The following NDST3 variants were observed in gnomAD, a reference collection of about 807,000 sequenced individuals.
The protein encoded by NDST3 is N-deacetylase and N-sulfotransferase 3, also known as bifunctional heparan sulfate N-deacetylase/N-sulfotransferase 3.
A neutral mutation model predicts 96.1 loss-of-function variants in NDST3; 58 were observed. The observed-to-expected ratio is 0.60, with a 90% CI of 0.49 to 0.75. The LOEUF is 0.75. Among genes scored for constraint, NDST3 ranks in the 30% least tolerant of loss-of-function variants. The pLI is 0.00. For missense variants in NDST3, 788 were observed against 1,034.2 expected (o/e 0.76, Z 3.27); for synonymous variants, 333 against 359.7 (o/e 0.93, Z 0.84).
intron 12 of NDST3, among the ~76,000 whole-genome samples, chr4:118,242,771 AT>A (rs1741087446): frequency 6.6e-6 from 1 of 150,890 alleles, no homozygotes; most frequent in Non-Finnish European, 1.5e-5. Flanking sequence ...GTTTCCTCCG[AT>A]TTTCTTAGGT....
chr4:118,054,975 T>C, intron 2 of NDST3, 84 bp downstream of exon 2: 1 of 1,544,478 alleles, frequency 6.5e-7, no homozygotes, highest in Non-Finnish European at 8.8e-7. Context: ...TACAACTGGG[T>C]TACCCAGGAC....
chr4:118,149,600 G>A (rs1418867431), intron 6 of NDST3, among the ~76,000 whole-genome samples: 1 of 150,502 alleles, frequency 6.6e-6, no homozygotes, highest in Non-Finnish European at 1.5e-5. Flanking sequence ...TTTGTACATT[G>A]ATTTTGTATC....
intron 2 of NDST3, among the ~76,000 whole-genome samples, chr4:118,101,768 A>G (rs1431303438): frequency 1.3e-5 from 2 of 152,166 alleles, no homozygotes; most frequent in Non-Finnish European, 2.9e-5. Context: ...TATGAGATTC[A>G]TAACTACATA....
chr4:118,095,367 T>G (rs2125836938), intron 2 of NDST3, among the ~76,000 whole-genome samples: 1 of 151,988 alleles, frequency 6.6e-6, no homozygotes, highest in South Asian at 2.1e-4. Context: ...ACATCAGTTG[T>G]CACTACTTCC....
At chr4:118,162,888 T>G (rs1233020432) in intron 6 of NDST3, among the ~76,000 whole-genome samples, 3 of 147,546 alleles carry the variant, frequency 2.0e-5, no homozygotes, top group Non-Finnish European at 4.5e-5. Context: ...TACAATGAAC[T>G]CAAACAAATT....
chr4:118,119,825 G>C (rs1418738980), intron 4 of NDST3, among the ~76,000 whole-genome samples: 1 of 151,978 alleles, frequency 6.6e-6, no homozygotes, highest in South Asian at 2.1e-4. Flanking sequence ...CATTACTCAG[G>C]AACTAAAGGG....
intron 5 of NDST3, among the ~76,000 whole-genome samples, chr4:118,143,032 G>A (rs1363306915): frequency 1.3e-5 from 2 of 152,078 alleles, no homozygotes; most frequent in Non-Finnish European, 2.9e-5. Context: ...CCTTTCAGAC[G>A]AGAACAGATA....
At chr4:118,230,477 A>AG (rs1402441389) in intron 8 of NDST3, among the ~76,000 whole-genome samples, 1 of 152,048 alleles carries the variant, frequency 6.6e-6, no homozygotes, top group Admixed American at 6.6e-5. Flanking sequence ...CAAGAGGCTG[A>AG]GGAAGGAGAA....
At chr4:118,098,879 C>T (rs1729554878) in intron 2 of NDST3, among the ~76,000 whole-genome samples, 1 of 151,974 alleles carries the variant, frequency 6.6e-6, no homozygotes, top group Non-Finnish European at 1.5e-5. Flanking sequence ...AGTGTTACGG[C>T]TCAATTTAAA....
chr4:118,218,837 G>A (rs1446625943), intron 6 of NDST3, among the ~76,000 whole-genome samples: 1 of 152,088 alleles, frequency 6.6e-6, no homozygotes, highest in Non-Finnish European at 1.5e-5. Flanking sequence ...AGTAACTTCA[G>A]CAAAGTCTCA....
chr4:118,222,513 G>T (rs1739617013), intron 6 of NDST3, among the ~76,000 whole-genome samples: 1 of 151,972 alleles, frequency 6.6e-6, no homozygotes, highest in South Asian at 2.1e-4. Flanking sequence ...GTCTAAAAGG[G>T]TCATAAGGTG....
intron 10 of NDST3, among the ~76,000 whole-genome samples, chr4:118,238,296 T>C (rs984064535): frequency 2.6e-5 from 4 of 152,206 alleles, no homozygotes; most frequent in African/African-American, 9.6e-5. Context: ...GTTTCTTGTA[T>C]ACTCATTGCC....
chr4:118,163,083 T>C (rs1332546910), intron 6 of NDST3, among the ~76,000 whole-genome samples: 2 of 152,126 alleles, frequency 1.3e-5, no homozygotes, highest in Non-Finnish European at 2.9e-5. Flanking sequence ...ATGGCAGTCA[T>C]TCAAAAGTCA....
At chr4:118,099,342 G>A (rs968401875) in intron 2 of NDST3, among the ~76,000 whole-genome samples, 2 of 152,098 alleles carry the variant, frequency 1.3e-5, no homozygotes, top group Non-Finnish European at 2.9e-5. Context: ...TTTAACAAGA[G>A]CGAAGATAAT....
chr4:118,066,411 C>CATATGTTATATATTATATATTATATATT lies in NDST3; in HGVS notation c.981+11540_981+11541insTATATATTATATGTTATATATTATATAT, dbSNP rs1726479352. Among the ~76,000 whole-genome samples the CATATGTTATATATTATATATTATATATT allele has an allele frequency of 1.9e-3, 2 of 1,026 alleles. 1 individual carries two copies. Among genetic ancestry groups the CATATGTTATATATTATATATTATATATT allele is most frequent in the Non-Finnish European group, 0.056 (2 of 36 alleles). The allele number at this position is 1,026 out of a possible 152,430, so 0.7% of individuals were successfully genotyped here. ...ATGTTATATATTATATATCATATAT[C>CATATGTTATATATTATATATTATATATT]ATATGTTATATATTATATATCATAT... On this transcript the variant is annotated intron_variant, in intron 2 of 13. Coordinates refer to ENST00000296499, the MANE Select transcript of NDST3 (RefSeq NM_004784.3).
At chr4:118,171,763 G>C (rs1212588537) in intron 6 of NDST3, among the ~76,000 whole-genome samples, 2 of 152,158 alleles carry the variant, frequency 1.3e-5, no homozygotes, top group Middle Eastern at 3.2e-3. Flanking sequence ...ACAGATAATT[G>C]AATAATTGGG....
intron 9 of NDST3, 73 bp downstream of exon 9, chr4:118,233,208 G>A (rs1002789311): frequency 2.3e-5 from 29 of 1,245,430 alleles, no homozygotes; most frequent in Non-Finnish European, 3.0e-5. Flanking sequence ...CTAATATTTA[G>A]AAACATCTAA....
At chr4:118,110,827 G>A (rs1730575533) in intron 3 of NDST3, among the ~76,000 whole-genome samples, 1 of 152,006 alleles carries the variant, frequency 6.6e-6, no homozygotes. Flanking sequence ...TATATCCAAA[G>A]AAAGAAAATC....
intron 3 of NDST3, among the ~76,000 whole-genome samples, chr4:118,110,928 G>GC (rs1210242472): frequency 6.6e-6 from 1 of 152,034 alleles, no homozygotes; most frequent in Admixed American, 6.6e-5. Context: ...GTCCATCAAT[G>GC]GTGGATTGGA....
Sources: gnomAD v4.1 joint callset for allele counts (sites outside exome capture counted in the v4.1 genomes callset) on GRCh38, gnomAD v4.1.1 for gene constraint, MANE v1.5 for transcripts, NCBI Gene and HGNC (gene_info 2026-07-23, HGNC 2026-07-21) for gene names.